The following MTMR7 variants were observed in gnomAD, a reference collection of about 807,000 sequenced individuals.
The protein encoded by MTMR7 is phosphatidylinositol-3-phosphate phosphatase MTMR7.
Under a neutral mutation model 81.2 loss-of-function variants are expected in MTMR7, and 76 were observed. That is an observed-to-expected ratio of 0.94 (90% CI 0.78 to 1.13). The LOEUF (loss-of-function observed/expected upper bound fraction) is 1.13, where lower values mean the gene tolerates loss of function less well. Among genes scored for constraint, MTMR7 ranks in the 50% most tolerant of loss-of-function variants. The probability of loss-of-function intolerance (pLI) is 0.00; values close to 1 mark genes in which losing one functional copy is unlikely to be tolerated. For missense variants in MTMR7, 1,044 were observed against 820.0 expected (o/e 1.27, Z -3.34); for synonymous variants, 372 against 289.8 (o/e 1.28, Z -2.88).
rs1054866002 is a variant in MTMR7 at position 17,334,677 on chromosome 8, G to T, written c.733-3395C>A. ...GCGTTAAGTGGAATCAAAAGAAGCT[G>T]TTCCTGTTGCCTTCAGCTTAGAACT... On this transcript the variant is annotated intron_variant, in intron 6 of 13. Coordinates refer to ENST00000180173, the MANE Select transcript of MTMR7 (RefSeq NM_004686.5). Among the ~76,000 whole-genome samples, 3 of 152,342 alleles carry T rather than the reference G, an allele frequency of 2.0e-5. No homozygotes were observed. The South Asian group carries it at 6.2e-4, about 32-fold the overall frequency.
chr8:17,338,266 A>T (rs1352960519), intron 6 of MTMR7, among the ~76,000 whole-genome samples: 2 of 152,212 alleles, frequency 1.3e-5, no homozygotes, highest in East Asian at 3.8e-4. Flanking sequence ...TATACCCTTC[A>T]AATCAAATCC....
intron 4 of MTMR7, among the ~76,000 whole-genome samples, chr8:17,351,617 C>G (rs1819730573): frequency 6.6e-6 from 1 of 152,242 alleles, no homozygotes; most frequent in African/African-American, 2.4e-5. Flanking sequence ...GCCAGGCTTG[C>G]ATCAGATGTG....
At chr8:17,384,033 G>A (rs1820847992) in intron 1 of MTMR7, among the ~76,000 whole-genome samples, 1 of 152,190 alleles carries the variant, frequency 6.6e-6, no homozygotes. Flanking sequence ...GGAGTTCAGA[G>A]TTCCTGGACA....
At chr8:17,323,812 C>T (rs2150514812) in intron 7 of MTMR7, among the ~76,000 whole-genome samples, 1 of 152,292 alleles carries the variant, frequency 6.6e-6, no homozygotes, top group East Asian at 1.9e-4. Flanking sequence ...ACATTAGCCA[C>T]AACTGTCTTG....
chr8:17,370,089 C>T (rs556574358), intron 3 of MTMR7, among the ~76,000 whole-genome samples: 420 of 151,394 alleles, frequency 2.8e-3, no homozygotes, highest in Non-Finnish European at 5.0e-3. Flanking sequence ...ATGGCAAGAA[C>T]ATATTTTTCA....
At chr8:17,396,771 A>T (rs2150581022) in intron 1 of MTMR7, among the ~76,000 whole-genome samples, 1 of 151,414 alleles carries the variant, frequency 6.6e-6, no homozygotes, top group Non-Finnish European at 1.5e-5. Context: ...TGCTTGTGCC[A>T]CCCCTCTCAC....
At position 17,330,602 on chromosome 8, in the gene MTMR7, G is replaced by A. The variant is rs192477261; in HGVS notation, c.865+548C>T. 3.0e-3 allele frequency among the ~76,000 whole-genome samples: 463 copies of A among 152,278 alleles called. 4 individuals carry two copies. Among genetic ancestry groups the A allele is most frequent in the African/African-American group, 0.01 (434 of 41,554 alleles). ...CATCTCTTTAATTTCCTGTCCACAC[G>A]AGTATATAAGTCTGTGGGTACGTGT... On this transcript the variant is annotated intron_variant, in intron 7 of 13. Transcript: ENST00000180173.
intron 1 of MTMR7, among the ~76,000 whole-genome samples, chr8:17,397,417 C>T (rs1331058228): frequency 3.9e-5 from 6 of 152,214 alleles, no homozygotes; most frequent in African/African-American, 1.2e-4. Context: ...TTTAAGCGAA[C>T]GTCGGTGGTG....
intron 4 of MTMR7, among the ~76,000 whole-genome samples, chr8:17,352,509 A>G (rs1360485962): frequency 6.6e-6 from 1 of 152,244 alleles, no homozygotes; most frequent in African/African-American, 2.4e-5. Flanking sequence ...AGAAAAGAAC[A>G]TAAGGGACAA....
At chr8:17,406,333 T>C (rs35254766) in intron 1 of MTMR7, among the ~76,000 whole-genome samples, 66,409 of 152,008 alleles carry the variant, frequency 0.44, 15,491 homozygotes, top group Admixed American at 0.59. Flanking sequence ...AACAAAGGAA[T>C]TGAATAAGCA....
At position 17,352,876 on chromosome 8, in the gene MTMR7, A is replaced by G. The variant is rs181817757; in HGVS notation, c.469-3795T>C. 3.0e-4 allele frequency among the ~76,000 whole-genome samples: 46 copies of G among 152,292 alleles called. 1 individual carries two copies. In the East Asian group the frequency reaches 8.1e-3, roughly 27 times the overall value. Reference sequence around the variant, plus strand: ...ATATAAAATTATGTAACCACTATGGACAACAGCATGGAGGCTCTTCAGGAA... The same window carrying G: ...ATATAAAATTATGTAACCACTATGGGCAACAGCATGGAGGCTCTTCAGGAA... On this transcript the variant is annotated intron_variant, in intron 4 of 13. Coordinates refer to ENST00000180173, the MANE Select transcript of MTMR7 (RefSeq NM_004686.5).
At chr8:17,340,984 C>A (rs530838066) in intron 6 of MTMR7, among the ~76,000 whole-genome samples, 3 of 152,196 alleles carry the variant, frequency 2.0e-5, no homozygotes, top group Non-Finnish European at 4.4e-5. Flanking sequence ...TACTTCGCAA[C>A]AATTGAACTG....
intron 1 of MTMR7, among the ~76,000 whole-genome samples, chr8:17,374,952 G>C (rs944162337): frequency 1.3e-5 from 2 of 152,138 alleles, no homozygotes; most frequent in African/African-American, 4.8e-5. Flanking sequence ...AGCCAGGCGT[G>C]GTGCCCGGCA....
intron 11 of MTMR7, 80 bp from the exon 12 acceptor site, chr8:17,304,599 G>A: frequency 6.9e-7 from 1 of 1,456,792 alleles, no homozygotes; most frequent in Admixed American, 1.8e-5. Context: ...ATGCTGGAAA[G>A]GAACTAATAA....
rs182055030 is a variant in MTMR7, at chr8:17,367,898, A to G, written c.310+3139T>C. On this transcript the variant is annotated intron_variant, in intron 3 of 13. Transcript: ENST00000180173. ...TTTTTTTTTTTTCTATTTTTAAAGT[A>G]CTTTTGATTTTAATATTAAATTACG... Among the ~76,000 whole-genome samples the G allele has an allele frequency of 1.1e-3, 151 of 137,092 alleles. 1 individual carries two copies. Among genetic ancestry groups the G allele is most frequent in the Non-Finnish European group, 2.5e-4 (16 of 64,150 alleles). 89.9% of individuals were successfully genotyped at this position (137,092 alleles called of 152,430 possible).
chr8:17,336,782 T>C (rs901226460), intron 6 of MTMR7, among the ~76,000 whole-genome samples: 4 of 152,170 alleles, frequency 2.6e-5, no homozygotes, highest in African/African-American at 9.6e-5. Context: ...TCAGAGGAGC[T>C]GCTGGGAGGT....
chr8:17,362,467 T>G (rs1318453677), intron 3 of MTMR7, among the ~76,000 whole-genome samples: 1 of 152,198 alleles, frequency 6.6e-6, no homozygotes, highest in African/African-American at 2.4e-5. Context: ...ATCCAGTTAG[T>G]AGGCAACATT....
rs770283749 is a variant in MTMR7, at chr8:17,300,072, G to C, written c.1773C>G (p.Ser591=). ...DYSGNMKSFP[S]RSPSQGDEDS... is the part of the protein sequence containing the mutation. The stretch of plus-strand genomic sequence containing the variant: ...CTTCATCGCCTTGTGAAGGGCTCCG[G>C]GATGGAAATGATTTCATATTCCCAC... Residue 591 remains serine, a synonymous_variant, in exon 14 of 14, where the codon TCC becomes TCG. Transcript: ENST00000180173. 1 of 1,614,116 alleles carries C rather than the reference G, an allele frequency of 6.2e-7. No individual in the cohort carries two copies. The highest frequency in any genetic ancestry group is 1.7e-5 in the Admixed American group (1 of 60,016).
chr8:17,363,378 T>C (rs1338527130), intron 3 of MTMR7, among the ~76,000 whole-genome samples: 1 of 152,158 alleles, frequency 6.6e-6, no homozygotes, highest in Non-Finnish European at 1.5e-5. Flanking sequence ...GCAGTTAAGT[T>C]CTCTTTGTTA....
Sources: allele counts gnomAD v4.1 joint callset (sites outside exome capture counted in the v4.1 genomes callset), GRCh38; gene constraint gnomAD v4.1.1; transcripts MANE v1.5; gene names NCBI Gene and HGNC (gene_info 2026-07-23, HGNC 2026-07-21).